The following SNX13 variants were observed in gnomAD, a reference collection of about 807,000 sequenced individuals.
The protein encoded by SNX13 is sorting nexin 13.
In SNX13, 45 loss-of-function variants were observed where a neutral mutation model predicts 133.6. That is an observed-to-expected ratio of 0.34 (90% CI 0.27 to 0.43). SNX13 has a LOEUF of 0.43. Ranked by LOEUF, SNX13 falls within the 20% of genes least tolerant of loss-of-function variation. SNX13 has a pLI of 1.00. For missense variants in SNX13, 1,032 were observed against 1,145.1 expected, an observed-to-expected ratio of 0.90 and a Z score of 1.43; for synonymous variants, 414 against 373.9, an observed-to-expected ratio of 1.11 and a Z score of -1.24.
In SNX13 at chr7:17,894,260, G is replaced by A. The variant is rs188424499; in HGVS notation, c.126-826C>T. ...AGAGGATGCAGTGAGCCGAGATCGC[G>A]CCACTGCACTCTAGCGACAGAGTAA... On this transcript the variant is annotated intron_variant, in intron 2 of 25. Coordinates refer to ENST00000428135, the MANE Select transcript of SNX13 (RefSeq NM_015132.5). Among the ~76,000 whole-genome samples, 421 of 151,642 alleles carry A rather than the reference G, an allele frequency of 2.8e-3. 11 individuals carry two copies. Among genetic ancestry groups the A allele is most frequent in the Admixed American group, 0.025 (382 of 15,244 alleles).
intron 4 of SNX13, among the ~76,000 whole-genome samples, chr7:17,890,708 T>A (rs1796531488): frequency 6.8e-6 from 1 of 146,740 alleles, no homozygotes; most frequent in Non-Finnish European, 1.5e-5. Context: ...TGCCTAGATT[T>A]AAAAAAAAAA....
At chr7:17,885,013 A>G (rs1795820448) in intron 5 of SNX13, among the ~76,000 whole-genome samples, 1 of 152,190 alleles carries the variant, frequency 6.6e-6, no homozygotes, top group African/African-American at 2.4e-5. Flanking sequence ...TCCAAGAGAA[A>G]TGGAAACATT....
At chr7:17,827,146 T>C (rs561131502) in intron 16 of SNX13, among the ~76,000 whole-genome samples, 2 of 152,184 alleles carry the variant, frequency 1.3e-5, no homozygotes, top group Admixed American at 6.6e-5. Flanking sequence ...ACATTTCACA[T>C]GTGTTGTCTT....
intron 1 of SNX13, among the ~76,000 whole-genome samples, chr7:17,904,742 T>C (rs1798213066): frequency 1.3e-5 from 2 of 152,174 alleles, no homozygotes; most frequent in African/African-American, 4.8e-5. Flanking sequence ...AGAAATTATA[T>C]ATATAGTTCA....
intron 18 of SNX13, among the ~76,000 whole-genome samples, chr7:17,818,417 T>C (rs1387064982): frequency 6.6e-6 from 1 of 152,190 alleles, no homozygotes; most frequent in Admixed American, 6.5e-5. Context: ...ATAAACTCCT[T>C]TGTAAGTTGT....
At chr7:17,837,180 G>C (rs1789237791) in intron 13 of SNX13, among the ~76,000 whole-genome samples, 2 of 151,928 alleles carry the variant, frequency 1.3e-5, no homozygotes, top group South Asian at 4.1e-4. Flanking sequence ...CTGTTACCCA[G>C]GCTGGAGCGC....
chr7:17,819,426 C>G (rs1040333260), intron 18 of SNX13, among the ~76,000 whole-genome samples: 4 of 152,000 alleles, frequency 2.6e-5, no homozygotes, highest in Admixed American at 2.6e-4. Context: ...GAGGATTCGC[C>G]ATGTTGCCCA....
intron 8 of SNX13, among the ~76,000 whole-genome samples, chr7:17,870,434 T>G (rs904029688): frequency 5.9e-5 from 9 of 152,212 alleles, no homozygotes; most frequent in Non-Finnish European, 1.3e-4. Flanking sequence ...ACTTGCTGAA[T>G]GCATGGTCTG....
chr7:17,880,167 C>T (rs1282712380), intron 5 of SNX13: 2 of 152,182 alleles, frequency 1.3e-5, no homozygotes, highest in Admixed American at 6.5e-5. Context: ...TGTTCCTACA[C>T]TGCAAAACCT....
intron 1 of SNX13, among the ~76,000 whole-genome samples, chr7:17,912,069 A>C (rs530564465): frequency 5.3e-5 from 8 of 152,314 alleles, no homozygotes; most frequent in African/African-American, 1.9e-4. Flanking sequence ...TTAGCAAAAT[A>C]GTGCATAAAG....
intron 5 of SNX13, among the ~76,000 whole-genome samples, chr7:17,885,022 T>C (rs901999470): frequency 2.6e-5 from 4 of 152,148 alleles, no homozygotes; most frequent in Non-Finnish European, 5.9e-5. Context: ...AATGGAAACA[T>C]TTGTCCCTCA....
At chr7:17,829,976 G>T in intron 16 of SNX13, 34 bp downstream of exon 16, 1 of 1,439,826 alleles carries the variant, frequency 6.9e-7, no homozygotes, top group Non-Finnish European at 9.4e-7. Context: ...TTATTTTCAA[G>T]TCACTTTAAT....
intron 1 of SNX13, among the ~76,000 whole-genome samples, chr7:17,927,217 A>G (rs189836371): frequency 1.3e-5 from 2 of 149,800 alleles, no homozygotes; most frequent in East Asian, 3.9e-4. Context: ...TATAATATAT[A>G]TGTGTGCATG....
At chr7:17,893,209 T>C (rs1271821502) in intron 3 of SNX13, 123 bp downstream of exon 3, 20 of 585,832 alleles carry the variant, frequency 3.4e-5, no homozygotes, top group Admixed American at 1.6e-4. Flanking sequence ...CAATCTCACA[T>C]AAATTCCCAG....
rs539020643 is a variant in SNX13, at chr7:17,922,851, A to C, written c.12+17433T>G. ...ATTTTTTAAAATGTAATGAAAAATC[A>C]TATGTGCTTACTCAGAAAAAGGTAT... is the stretch of plus-strand genomic sequence containing the variant. On this transcript the variant is annotated intron_variant, in intron 1 of 25. Coordinates refer to ENST00000428135, the MANE Select transcript of SNX13 (RefSeq NM_015132.5). 1.1e-4 allele frequency among the ~76,000 whole-genome samples: 16 copies of C among 152,366 alleles called. No individual in the cohort carries two copies. The South Asian group carries it at 3.3e-3, about 32-fold the overall frequency.
At chr7:17,872,974 G>T (rs1230548829) in intron 8 of SNX13, among the ~76,000 whole-genome samples, 1 of 152,138 alleles carries the variant, frequency 6.6e-6, no homozygotes, top group Non-Finnish European at 1.5e-5. Context: ...TTTTCCAATT[G>T]CTAAAAAACA....
chr7:17,824,664 C>A (rs1787673075), intron 17 of SNX13, among the ~76,000 whole-genome samples: 1 of 151,872 alleles, frequency 6.6e-6, no homozygotes, highest in Non-Finnish European at 1.5e-5. Context: ...CAACTATTAA[C>A]TGGCAGAGCT....
chr7:17,921,643 CATTA>C (rs1800142803), intron 1 of SNX13, among the ~76,000 whole-genome samples: 1 of 152,168 alleles, frequency 6.6e-6, no homozygotes, highest in African/African-American at 2.4e-5. Context: ...AATTCCTGCC[CATTA>C]GCATTACCTG....
At chr7:17,855,611 A>C (rs1791785645) in intron 9 of SNX13, among the ~76,000 whole-genome samples, 1 of 152,198 alleles carries the variant, frequency 6.6e-6, no homozygotes, top group Non-Finnish European at 1.5e-5. Context: ...AGAAAGCCTG[A>C]ATAATAGCAT....
Sources: allele counts gnomAD v4.1 joint callset (sites outside exome capture counted in the v4.1 genomes callset), GRCh38; gene constraint gnomAD v4.1.1; transcripts MANE v1.5; gene names NCBI Gene and HGNC (gene_info 2026-07-23, HGNC 2026-07-21).